GPATCH1: variants seen among roughly 807,000 people sequenced by gnomAD.
GPATCH1 encodes G patch domain-containing protein 1.
A neutral mutation model predicts 114.9 loss-of-function variants in GPATCH1; 73 were observed. The ratio of observed to expected loss-of-function variants is 0.64; its 90% confidence interval spans 0.53 to 0.77. The LOEUF is 0.77. GPATCH1 is among the 30% of genes least tolerant of loss of function. GPATCH1 has a pLI of 0.00. For missense variants in GPATCH1, 1,058 were observed against 1,144.3 expected (o/e 0.92, Z 1.09); for synonymous variants, 391 against 428.4 (o/e 0.91, Z 1.08).
intron 1 of GPATCH1, among the ~76,000 whole-genome samples, chr19:33,087,680 A>G (rs1972547244): frequency 6.6e-6 from 1 of 150,498 alleles, no homozygotes; most frequent in Non-Finnish European, 1.5e-5. Context: ...TCCTGACATT[A>G]TAATTTTTTT....
At chr19:33,107,898 C>T (rs144545683) in intron 10 of GPATCH1, among the ~76,000 whole-genome samples, 77 of 151,816 alleles carry the variant, frequency 5.1e-4, no homozygotes, top group African/African-American at 1.7e-3. Context: ...ATGTGCACAA[C>T]GTGCAGGTTT....
chr19:33,114,053 C>T, intron 14 of GPATCH1, 150 bp downstream of exon 14: 1 of 877,452 alleles, frequency 1.1e-6, no homozygotes, highest in East Asian at 2.5e-5. Context: ...AATAACTTAG[C>T]TCATGTTGTA....
chr19:33,128,417 C>T (rs912770929), intron 19 of GPATCH1, among the ~76,000 whole-genome samples: 28 of 152,318 alleles, frequency 1.8e-4, no homozygotes, highest in African/African-American at 6.0e-4. Flanking sequence ...CCCGCCACCA[C>T]GTCCAGCTAA....
chr19:33,123,315 G>A (rs746789892), intron 17 of GPATCH1, among the ~76,000 whole-genome samples: 11 of 151,206 alleles, frequency 7.3e-5, no homozygotes, highest in Non-Finnish European at 1.5e-4. Context: ...CAGGAGAATC[G>A]CTTGAACCTG....
intron 18 of GPATCH1, among the ~76,000 whole-genome samples, 179 bp from the exon 19 acceptor site, chr19:33,126,409 A>G (rs1973041701): frequency 6.6e-6 from 1 of 152,094 alleles, no homozygotes; most frequent in Admixed American, 6.6e-5. Context: ...CGCAGTTGAG[A>G]GTGGCACAGC....
intron 19 of GPATCH1, among the ~76,000 whole-genome samples, 185 bp from the exon 20 acceptor site, chr19:33,129,945 G>A (rs976396293): frequency 9.4e-6 from 1 of 106,372 alleles, no homozygotes; most frequent in Admixed American, 9.9e-5. Context: ...ACTCCATCTC[G>A]GGGGAAAAAA....
rs1048979265 is a variant in GPATCH1, at chr19:33,109,936, A to T, written c.1505A>T (p.Asn502Ile). 3.1e-6 allele frequency: 5 copies of T among 1,614,090 alleles called. No homozygotes were observed. Among genetic ancestry groups the T allele is most frequent in the Non-Finnish European group, 3.4e-6 (4 of 1,180,034 alleles). The stretch of plus-strand genomic sequence containing the variant: ...GGGACGGCCACCTTAAAAGCCAGCA[A>T]CTTCAAGCCTTTCGCCAAAGATCCG... Reference protein sequence around the residue: ...GGGTATLKASNFKPFAKDPEK... With the variant: ...GGGTATLKASIFKPFAKDPEK... The change falls in exon 11 of 20, where the codon AAC (asparagine) becomes ATC (isoleucine). Residue 502 changes from asparagine (N) to isoleucine (I), a missense_variant. Physicochemically the swap from Asn to Ile is moderately radical, Grantham distance 149. Coordinates refer to ENST00000170564, the MANE Select transcript of GPATCH1 (RefSeq NM_018025.3).
chr19:33,090,972 T>C (rs1972588079), intron 3 of GPATCH1, 107 bp downstream of exon 3: 1 of 696,780 alleles, frequency 1.4e-6, no homozygotes, highest in Admixed American at 2.2e-5. Context: ...ATTTCCTCTT[T>C]GTTTGTAAGG....
rs1053781131 is a variant in GPATCH1, at chr19:33,082,086, A to T, written c.73+820A>T. Among the ~76,000 whole-genome samples the T allele has an allele frequency of 1.7e-5, 2 of 118,294 alleles. 1 individual carries two copies. Among genetic ancestry groups the T allele is most frequent in the South Asian group, 4.9e-4 (2 of 4,046 alleles). The allele number at this position is 118,294 out of a possible 152,430, so 77.6% of individuals were successfully genotyped here. On this transcript the variant is annotated intron_variant, in intron 1 of 19. Coordinates refer to ENST00000170564, the MANE Select transcript of GPATCH1 (RefSeq NM_018025.3). The stretch of plus-strand genomic sequence containing the variant: ...GTAAGAGTGAAGCAGGGAGATTAGC[A>T]AAAAGAGGTCAGGAGATGATGGTGG...
At position 33,126,695 on chromosome 19, in the gene GPATCH1, G is replaced by A; in HGVS notation, c.2727G>A (p.Glu909=). 1 of 1,613,948 alleles carries A rather than the reference G, an allele frequency of 6.2e-7. No homozygotes were observed. The highest frequency in any genetic ancestry group is 8.5e-7 in the Non-Finnish European group (1 of 1,180,002). Residue 909 remains glutamate (E), a synonymous_variant, in exon 19 of 20, where the codon GAG becomes GAA. Transcript: ENST00000170564. ...ACAGCAGCGACAGCCAGAGTGACGA[G>A]GAAACCGCAGACGTGTCGCCCCAGG... is the stretch of plus-strand genomic sequence containing the variant. The part of the protein sequence containing the change: ...SSDSSDSQSD[E]ETADVSPQEL...
rs990533363 is a variant in GPATCH1, at chr19:33,113,778, T to C, written c.1904T>C (p.Val635Ala). 10 of 1,613,600 alleles carry C rather than the reference T, an allele frequency of 6.2e-6. No homozygotes were observed. The highest frequency in any genetic ancestry group is 1.6e-4 in the Middle Eastern group (1 of 6,084). ...VPDPYPDSTLVGLPRVKRDKY... is the reference protein window; with the variant it reads ...VPDPYPDSTLAGLPRVKRDKY... ...TTTTCAATTCCCAGTTCAACTTTAG[T>C]TGGCTTACCAAGAGTGAAGCGTGAC... Residue 635 changes from valine to alanine, a missense_variant, in exon 14 of 20, where the codon GTT (valine) becomes GCT (alanine). Physicochemically the swap from Val to Ala is moderately conservative, Grantham distance 64 (BLOSUM62 0). This residue lies in a region of GPATCH1 where 893 missense variants were observed against 977.4 expected (regional missense o/e 0.91). Transcript: ENST00000170564.
At chr19:33,112,112 C>T (rs1972862247) in intron 12 of GPATCH1, among the ~76,000 whole-genome samples, 1 of 152,012 alleles carries the variant, frequency 6.6e-6, no homozygotes, top group South Asian at 2.1e-4. Flanking sequence ...ATTACAGGCG[C>T]TCGCCACAAC....
In GPATCH1 at chr19:33,112,600, G is replaced by A. The variant is rs1212113142; in HGVS notation, c.1879G>A (p.Asp627Asn). 2 of 1,613,690 alleles carry A rather than the reference G, an allele frequency of 1.2e-6. No individual in the cohort carries two copies. The highest frequency in any genetic ancestry group is 1.7e-5 in the Admixed American group (1 of 59,968). ...TCTATGTAAGAGATTTAATGTCCCT[G>A]ACCCTTATCCAGAGTAAGTTGGATA... ...KLLCKRFNVP[D>N]PYPDSTLVGL... is the part of the protein sequence containing the mutation. Residue 627 changes from aspartate (D) to asparagine (N), a missense_variant, in exon 13 of 20, where the codon GAC (aspartate) becomes AAC (asparagine). Transcript: ENST00000170564.
Position 33,097,922 on chromosome 19 carries a change from C to G in GPATCH1, c.1000+20C>G. 1 of 1,611,760 alleles carries G rather than the reference C, an allele frequency of 6.2e-7. No individual in the cohort carries two copies. Among genetic ancestry groups the G allele is most frequent in the Non-Finnish European group, 8.5e-7 (1 of 1,178,392 alleles). Reference sequence around the variant, plus strand: ...AGAAAGGTAATTCGACAGCCACAAACCTAATGGCAGGACCAAGTGTCAGGG... The same window carrying G: ...AGAAAGGTAATTCGACAGCCACAAAGCTAATGGCAGGACCAAGTGTCAGGG... On this transcript the variant is annotated intron_variant, in intron 8 of 19. Transcript: ENST00000170564.
intron 11 of GPATCH1, 123 bp from the exon 12 acceptor site, chr19:33,111,601 C>A (rs1387785407): frequency 3.5e-6 from 3 of 866,314 alleles, no homozygotes; most frequent in South Asian, 1.7e-5. Flanking sequence ...TTCCCATAGT[C>A]ATAAAAACAA....
chr19:33,093,204 T>C (rs1367161357), intron 3 of GPATCH1, among the ~76,000 whole-genome samples, 155 bp from the exon 4 acceptor site: 1 of 151,644 alleles, frequency 6.6e-6, no homozygotes, highest in Non-Finnish European at 1.5e-5. Flanking sequence ...AATAAATAAA[T>C]AAAAAATAAA....
chr19:33,127,577 C>T (rs1973057576), intron 19 of GPATCH1, among the ~76,000 whole-genome samples: 1 of 151,748 alleles, frequency 6.6e-6, no homozygotes, highest in South Asian at 2.1e-4. Flanking sequence ...CTTAAAGGAG[C>T]CCTGACTAGT....
intron 19 of GPATCH1, among the ~76,000 whole-genome samples, chr19:33,127,398 T>C (rs55692269): frequency 0.55 from 83,194 of 151,210 alleles, 27,096 homozygotes; most frequent in African/African-American, 0.89. Flanking sequence ...TGCCTGTAGT[T>C]CCAGCTGCTG....
chr19:33,108,087 C>T lies in GPATCH1; in HGVS notation c.1285+1188C>T, dbSNP rs550463804. On this transcript the variant is annotated intron_variant, in intron 10 of 19. Transcript: ENST00000170564. ...CTCCTTGGCCCTTAGTGAGTCCTCT[C>T]GGCTCTACCCACACGTGTGGGGGTT... 5.3e-5 allele frequency among the ~76,000 whole-genome samples: 8 copies of T among 152,140 alleles called. No homozygotes were observed. In the South Asian group the frequency reaches 1.0e-3, roughly 20 times the overall value.
Sources: allele counts gnomAD v4.1 joint callset (sites outside exome capture counted in the v4.1 genomes callset), GRCh38; gene constraint gnomAD v4.1.1; regional missense constraint gnomAD v4.1.1; transcripts MANE v1.5; gene names NCBI Gene and HGNC (gene_info 2026-07-23, HGNC 2026-07-21).